Variants in PSD3 observed in about 807,000 individuals in gnomAD.
PSD3 encodes PH and SEC7 domain-containing protein 3.
Under a neutral mutation model 105.5 loss-of-function variants are expected in PSD3, and 49 were observed. The ratio of observed to expected loss-of-function variants is 0.46; its 90% CI spans 0.37 to 0.59. The LOEUF (loss-of-function observed/expected upper bound fraction) is 0.59, where lower values mean the gene tolerates loss of function less well. PSD3 is among the 20% of genes least tolerant of loss of function. PSD3 has a pLI of 0.00. For synonymous variants in PSD3, 557 were observed against 457.8 expected (o/e 1.22, Z -2.77); for missense variants, 1,561 against 1,263.8 (o/e 1.24, Z -3.57).
intron 9 of PSD3, chr8:18,683,685 T>C (rs1452536305): frequency 1.4e-6 from 1 of 703,430 alleles, no homozygotes; most frequent in Non-Finnish European, 2.6e-6. Context: ...TCTCAGTCTA[T>C]CACTGCACAT....
Position 18,625,661 on chromosome 8 carries a change from C to A in PSD3, c.2410+6952G>T, listed in dbSNP as rs550407047. ...TAAGCATATTTTCTCATCGGAATTGCTTTTAACAATATGCTACTATTAGTT... is the reference window on the plus strand; with the variant it reads ...TAAGCATATTTTCTCATCGGAATTGATTTTAACAATATGCTACTATTAGTT... On this transcript the variant is annotated intron_variant, in intron 11 of 15. Coordinates refer to ENST00000327040, the MANE Select transcript of PSD3 (RefSeq NM_015310.4). 2.0e-5 allele frequency among the ~76,000 whole-genome samples: 3 copies of A among 152,274 alleles called. No individual in the cohort carries two copies. In the East Asian group the frequency reaches 5.8e-4, roughly 29 times the overall value.
chr8:18,967,424 G>A (rs557171780), intron 1 of PSD3, among the ~76,000 whole-genome samples: 4 of 152,200 alleles, frequency 2.6e-5, no homozygotes, highest in East Asian at 1.9e-4. Context: ...GATTACAGGC[G>A]TGAGCCACCG....
chr8:18,696,303 C>T (rs1563178525), intron 9 of PSD3, among the ~76,000 whole-genome samples: 1 of 152,216 alleles, frequency 6.6e-6, no homozygotes, highest in Non-Finnish European at 1.5e-5. Context: ...CCGGAAACTT[C>T]ACATTATCTC....
chr8:18,947,589 G>C (rs962863750), intron 1 of PSD3, among the ~76,000 whole-genome samples: 1 of 152,238 alleles, frequency 6.6e-6, no homozygotes, highest in Non-Finnish European at 1.5e-5. Context: ...CAGAGCCGCA[G>C]TGGCACGAGC....
intron 11 of PSD3, among the ~76,000 whole-genome samples, chr8:18,621,389 C>A (rs1261594192): frequency 4.6e-5 from 7 of 152,206 alleles, no homozygotes; most frequent in African/African-American, 2.4e-5. Context: ...GCCTGGGCAA[C>A]AGAGTGAGAC....
At chr8:18,785,611 TC>T (rs1307640026) in intron 8 of PSD3, among the ~76,000 whole-genome samples, 1 of 152,190 alleles carries the variant, frequency 6.6e-6, no homozygotes, top group Non-Finnish European at 1.5e-5. Context: ...ACTTTTAATT[TC>T]CTTCAAGAAC....
At chr8:18,671,837 T>C (rs764089648) in intron 9 of PSD3, among the ~76,000 whole-genome samples, 6 of 152,146 alleles carry the variant, frequency 3.9e-5, no homozygotes, top group Non-Finnish European at 7.3e-5. Context: ...TTCACCGTGT[T>C]AGCCAGAATG....
At chr8:18,819,248 G>C (rs1052443664) in intron 4 of PSD3, among the ~76,000 whole-genome samples, 1 of 152,122 alleles carries the variant, frequency 6.6e-6, no homozygotes, top group South Asian at 2.1e-4. Context: ...CAAATACTTT[G>C]ACAAGTATTT....
chr8:18,936,534 C>T (rs1162014103), intron 1 of PSD3, among the ~76,000 whole-genome samples: 5 of 152,126 alleles, frequency 3.3e-5, no homozygotes, highest in African/African-American at 1.2e-4. Flanking sequence ...GAGGCCAAAG[C>T]AGGTGGATCA....
chr8:18,536,005 A>G, intron 15 of PSD3, 47 bp from the exon 16 acceptor site: 4 of 1,554,498 alleles, frequency 2.6e-6, no homozygotes, highest in Non-Finnish European at 3.5e-6. Context: ...ACTGTTCAAA[A>G]TGCACGTGTG....
chr8:19,080,178 C>T (rs1451216090), intron 1 of PSD3, among the ~76,000 whole-genome samples: 2 of 152,140 alleles, frequency 1.3e-5, no homozygotes, highest in Non-Finnish European at 2.9e-5. Flanking sequence ...CGTAAGCCAC[C>T]GCGCCTGGCC....
intron 1 of PSD3, among the ~76,000 whole-genome samples, chr8:19,034,291 A>G (rs1373526141): frequency 6.6e-6 from 1 of 152,196 alleles, no homozygotes; most frequent in Non-Finnish European, 1.5e-5. Flanking sequence ...TAGCAAGAAT[A>G]CAATATAGAA....
intron 14 of PSD3, among the ~76,000 whole-genome samples, chr8:18,568,102 A>G (rs1243934199): frequency 6.6e-6 from 1 of 152,128 alleles, no homozygotes; most frequent in Non-Finnish European, 1.5e-5. Flanking sequence ...TTCTTACCAG[A>G]AGCAGATGCT....
At chr8:18,862,641 C>T (rs1175736137) in intron 4 of PSD3, among the ~76,000 whole-genome samples, 1 of 151,906 alleles carries the variant, frequency 6.6e-6, no homozygotes, top group Non-Finnish European at 1.5e-5. Context: ...CTGTCACCAG[C>T]TTCACTAATG....
chr8:18,765,313 C>A, intron 9 of PSD3, 136 bp downstream of exon 9: 1 of 721,514 alleles, frequency 1.4e-6, no homozygotes, highest in Non-Finnish European at 2.4e-6. Context: ...AAGGACAAGG[C>A]TTAAAAGAAA....
At position 18,799,442 on chromosome 8, in the gene PSD3, C is replaced by T. The variant is rs537384237; in HGVS notation, c.2024-89G>A. ...ATCACTAATAGGATACACTCAGAAC[C>T]TATGAAAACAGTACTGTGCTAGGTA... On this transcript the variant is annotated intron_variant, in intron 7 of 15. Transcript: ENST00000327040. 8 of 1,036,904 alleles carry T rather than the reference C, an allele frequency of 7.7e-6. No homozygotes were observed. The South Asian group carries it at 1.0e-4, about 13-fold the overall frequency. 64.2% of individuals were successfully genotyped at this position (1,036,904 alleles called of 1,614,324 possible).
At chr8:18,985,629 T>C (rs1343688273) in intron 1 of PSD3, among the ~76,000 whole-genome samples, 2 of 152,194 alleles carry the variant, frequency 1.3e-5, no homozygotes, top group Non-Finnish European at 2.9e-5. Context: ...TAAACTTGAA[T>C]AGAAATATGA....
intron 9 of PSD3, among the ~76,000 whole-genome samples, 186 bp from the exon 10 acceptor site, chr8:18,655,871 T>C (rs760062374): frequency 8.5e-5 from 13 of 152,146 alleles, no homozygotes; most frequent in Non-Finnish European, 1.3e-4. Context: ...CAACGAACGT[T>C]TCATGAAACA....
intron 9 of PSD3, among the ~76,000 whole-genome samples, chr8:18,717,702 C>T (rs912223680): frequency 1.3e-5 from 2 of 152,202 alleles, no homozygotes; most frequent in African/African-American, 4.8e-5. Flanking sequence ...GAGTCAACTC[C>T]TGACTTTTTG....
Sources: allele counts gnomAD v4.1 joint callset (sites outside exome capture counted in the v4.1 genomes callset), GRCh38; gene constraint gnomAD v4.1.1; transcripts MANE v1.5; gene names NCBI Gene and HGNC (gene_info 2026-07-23, HGNC 2026-07-21).